Variants in TRIO observed in about 807,000 individuals in gnomAD.
TRIO encodes triple functional domain protein.
In TRIO, 58 loss-of-function variants were observed where a neutral mutation model predicts 351.9. The observed-to-expected ratio is 0.16, with a 90% CI of 0.13 to 0.21. TRIO has a LOEUF of 0.21. Among genes scored for constraint, TRIO ranks in the 10% least tolerant of loss-of-function variants. The pLI is 1.00. For missense variants in TRIO, 3,201 were observed against 4,027.8 expected (o/e 0.79, Z 5.56); for synonymous variants, 1,758 against 1,595.7 (o/e 1.10, Z -2.42).
chr5:14,490,566 C>T (rs1460531059), intron 48 of TRIO, among the ~76,000 whole-genome samples: 1 of 152,220 alleles, frequency 6.6e-6, no homozygotes, highest in African/African-American at 2.4e-5. Context: ...AAAGTGCATG[C>T]ACACTGGAGT....
rs553137018 is a variant in TRIO, at chr5:14,451,743, G to A, written c.5204-9276G>A. On this transcript the variant is annotated intron_variant, in intron 34 of 56. Coordinates refer to ENST00000344204, the MANE Select transcript of TRIO (RefSeq NM_007118.4). ...CTTTCATCAGCACATAGCAATAACT[G>A]CTAAGTGAACATTTCTTTAAATCCT... is the stretch of plus-strand genomic sequence containing the variant. 3.3e-5 allele frequency among the ~76,000 whole-genome samples: 5 copies of A among 152,382 alleles called. No homozygotes were observed. In the South Asian group the frequency reaches 1.0e-3, roughly 32 times the overall value.
Position 14,488,243 on chromosome 5 carries a change from T to C in TRIO, c.7615T>C (p.Ser2539Pro), listed in dbSNP as rs771377092. ...CSSASEQSVQ[S>P]TQSNGSESSS... is the part of the protein sequence containing the mutation. ...CTCGGCCAGCGAGCAGTCCGTGCAG[T>C]CCACCCAGAGCAACGGGGTAAGCGC... is the stretch of plus-strand genomic sequence containing the variant. Residue 2539 changes from serine (S) to proline (P), a missense_variant, in exon 48 of 57, where the codon TCC (serine) becomes CCC (proline). Physicochemically the swap from Ser to Pro is moderately conservative, Grantham distance 74. Around this residue, in one of 19 missense-constraint regions of TRIO, gnomAD observed 1,089 missense variants for 954.9 expected, o/e 1.14. Coordinates refer to ENST00000344204, the MANE Select transcript of TRIO (RefSeq NM_007118.4). 63 of 1,580,140 alleles carry C rather than the reference T, an allele frequency of 4.0e-5. No homozygotes were observed. The highest frequency in any genetic ancestry group is 5.0e-5 in the Non-Finnish European group (59 of 1,170,828).
chr5:14,365,478 C>T (rs570014124), intron 15 of TRIO, among the ~76,000 whole-genome samples: 87 of 152,290 alleles, frequency 5.7e-4, no homozygotes, highest in African/African-American at 1.9e-3. Flanking sequence ...GTGGCACTCA[C>T]ATCAGAACAG....
intron 15 of TRIO, among the ~76,000 whole-genome samples, chr5:14,366,184 A>G (rs1744574981): frequency 6.6e-6 from 1 of 152,090 alleles, no homozygotes; most frequent in Non-Finnish European, 1.5e-5. Context: ...GGCTTAGACA[A>G]TAAAAGTACT....
intron 1 of TRIO, among the ~76,000 whole-genome samples, chr5:14,191,227 C>T (rs73057512): frequency 0.043 from 6,546 of 152,122 alleles, 484 homozygotes; most frequent in African/African-American, 0.15. Flanking sequence ...AGTTGGAGTA[C>T]GTATATATAA....
intron 1 of TRIO, among the ~76,000 whole-genome samples, chr5:14,159,772 T>G (rs935007015): frequency 6.6e-6 from 1 of 152,124 alleles, no homozygotes; most frequent in Non-Finnish European, 1.5e-5. Context: ...TTACCATGTT[T>G]GCCAGGATGG....
At position 14,398,897 on chromosome 5, in the gene TRIO, G is replaced by C. The variant is rs1302244780; in HGVS notation, c.4441G>C (p.Glu1481Gln). Residue 1481 changes from glutamate to glutamine, a missense_variant, in exon 30 of 57, where the codon GAG becomes CAG. By Grantham distance (29) the Glu-to-Gln change is conservative. This residue lies in a region of TRIO where 115 missense variants were observed against 239.6 expected (regional missense o/e 0.48). Transcript: ENST00000344204. ...SMLEGFDENI[E>Q]SQGELILQES... Reference sequence around the variant, plus strand: ...TGTTGTAGGGTTTGATGAAAACATTGAGTCTCAGGGAGAACTCATCCTACA... The same window carrying C: ...TGTTGTAGGGTTTGATGAAAACATTCAGTCTCAGGGAGAACTCATCCTACA... 6.2e-7 allele frequency: 1 copy of C among 1,612,672 alleles called. No individual in the cohort carries two copies.
intron 1 of TRIO, among the ~76,000 whole-genome samples, chr5:14,162,510 G>T (rs887242790): frequency 1.3e-5 from 2 of 152,140 alleles, no homozygotes; most frequent in Admixed American, 1.3e-4. Flanking sequence ...TCTAAAATGG[G>T]TATTAGATAT....
At position 14,421,249 on chromosome 5, in the gene TRIO, T is replaced by TTATTG. The variant is rs1441483159; in HGVS notation, c.5203+1232_5203+1233insGTATT. Among the ~76,000 whole-genome samples the TTATTG allele has an allele frequency of 2.1e-5, 3 of 145,080 alleles. No homozygotes were observed. In the East Asian group the frequency reaches 5.9e-4, roughly 29 times the overall value. ...TTTATTTATTTTATTTTATTTTATT[T>TTATTG]TATTTTATTTTATTTTATTTTATTT... On this transcript the variant is annotated intron_variant, in intron 34 of 56. Coordinates refer to ENST00000344204, the MANE Select transcript of TRIO (RefSeq NM_007118.4).
At chr5:14,334,512 G>A (rs775195736) in intron 10 of TRIO, among the ~76,000 whole-genome samples, 6 of 152,192 alleles carry the variant, frequency 3.9e-5, no homozygotes, top group Middle Eastern at 3.2e-3. Flanking sequence ...CGTAATACTT[G>A]GCTGTTGGGA....
chr5:14,170,506 CTCTT>C (rs1403612287), intron 1 of TRIO, among the ~76,000 whole-genome samples: 5 of 120,602 alleles, frequency 4.1e-5, no homozygotes, highest in Admixed American at 1.8e-4. Context: ...AAGCTTCTCT[CTCTT>C]TTTTTTTTTT....
chr5:14,407,923 T>TA lies in TRIO; in HGVS notation c.4959+1258dup, dbSNP rs552487006. Among the ~76,000 whole-genome samples, 241 of 152,312 alleles carry TA rather than the reference T, an allele frequency of 1.6e-3. 1 individual carries two copies. The highest frequency in any genetic ancestry group is 5.4e-3 in the African/African-American group (224 of 41,560). On this transcript the variant is annotated intron_variant, in intron 33 of 56. Coordinates refer to ENST00000344204, the MANE Select transcript of TRIO (RefSeq NM_007118.4). ...CTAGAATGCTAGACTGAATTCTTTTTAAAAAAATTGACAGTAAATAGGGGG... is the reference window on the plus strand; with the variant it reads ...CTAGAATGCTAGACTGAATTCTTTTTAAAAAAAATTGACAGTAAATAGGGGG...
chr5:14,196,417 C>A (rs952469165), intron 1 of TRIO, among the ~76,000 whole-genome samples: 3 of 92,382 alleles, frequency 3.2e-5, no homozygotes, highest in Middle Eastern at 5.9e-3. Flanking sequence ...AGCCAGACTC[C>A]GTCTCAAAAA....
intron 31 of TRIO, among the ~76,000 whole-genome samples, chr5:14,402,572 G>A (rs11957857): frequency 2.8e-4 from 42 of 151,962 alleles, no homozygotes; most frequent in East Asian, 5.8e-4. Flanking sequence ...TGGTGATGGC[G>A]GTGAAAGTTT....
At chr5:14,414,021 C>G (rs1324830409) in intron 33 of TRIO, among the ~76,000 whole-genome samples, 2 of 152,184 alleles carry the variant, frequency 1.3e-5, no homozygotes, top group Non-Finnish European at 2.9e-5. Context: ...TAAGCTTCCT[C>G]AATAAAAGAT....
At chr5:14,249,015 C>A (rs1794597660) in intron 1 of TRIO, among the ~76,000 whole-genome samples, 1 of 152,150 alleles carries the variant, frequency 6.6e-6, no homozygotes, top group Non-Finnish European at 1.5e-5. Flanking sequence ...CACAGGGGTC[C>A]AGGTGAGCTA....
chr5:14,375,877 A>G (rs1423664879), intron 19 of TRIO, among the ~76,000 whole-genome samples: 1 of 152,250 alleles, frequency 6.6e-6, no homozygotes, highest in Non-Finnish European at 1.5e-5. Flanking sequence ...TTCAGATTTC[A>G]AAGTTTTAAT....
chr5:14,366,925 A>T lies in TRIO; in HGVS notation c.2820A>T (p.Leu940Phe). 6.2e-7 allele frequency: 1 copy of T among 1,614,188 alleles called. No homozygotes were observed. Among genetic ancestry groups the T allele is most frequent in the Non-Finnish European group, 8.5e-7 (1 of 1,180,032 alleles). The change falls in exon 16 of 57, where the codon TTA becomes TTT. Residue 940 changes from leucine (L) to phenylalanine (F), a missense_variant. Coordinates refer to ENST00000344204, the MANE Select transcript of TRIO (RefSeq NM_007118.4). Reference sequence around the variant, plus strand: ...CCGGACTTATCACAGCCAGCTCGTTACAAGAGGCAGAGCAGCTCCAGCGAG... The same window carrying T: ...CCGGACTTATCACAGCCAGCTCGTTTCAAGAGGCAGAGCAGCTCCAGCGAG... Reference protein sequence around the residue: ...LNAGLITASSLQEAEQLQREH... With the variant: ...LNAGLITASSFQEAEQLQREH...
chr5:14,145,677 C>G (rs1787474358), intron 1 of TRIO, among the ~76,000 whole-genome samples: 1 of 152,202 alleles, frequency 6.6e-6, no homozygotes, highest in African/African-American at 2.4e-5. Context: ...TAGAAAGGCT[C>G]TTCTGCGTTG....
Sources: gnomAD v4.1 joint callset for allele counts (sites outside exome capture counted in the v4.1 genomes callset) on GRCh38, gnomAD v4.1.1 for gene constraint, gnomAD v4.1.1 regional missense constraint, MANE v1.5 for transcripts, NCBI Gene and HGNC (gene_info 2026-07-23, HGNC 2026-07-21) for gene names.